SRGAP2: variants seen among roughly 807,000 people sequenced by gnomAD.
SRGAP2 encodes SLIT-ROBO Rho GTPase activating protein 2.
Under a neutral mutation model 57.2 loss-of-function variants are expected in SRGAP2, and 15 were observed. The ratio of observed to expected loss-of-function variants is 0.26; its 90% CI spans 0.18 to 0.40. The LOEUF (loss-of-function observed/expected upper bound fraction) is 0.40. Among genes scored for constraint, SRGAP2 ranks in the 10% least tolerant of loss-of-function variants. The probability of loss-of-function intolerance (pLI) is 1.00; values close to 1 mark genes in which losing one functional copy is unlikely to be tolerated. For synonymous variants in SRGAP2, 249 were observed against 248.0 expected (o/e 1.00, Z -0.04); for missense variants, 520 against 669.6 (o/e 0.78, Z 2.47).
At chr1:206,247,456 G>A (rs1426793287) in intron 2 of SRGAP2, among the ~76,000 whole-genome samples, 1 of 151,654 alleles carries the variant, frequency 6.6e-6, no homozygotes, top group African/African-American at 2.4e-5. Context: ...CCAGGGAGAG[G>A]GAGCCTCCAT....
rs146163304 is a variant in SRGAP2 at position 206,435,444 on chromosome 1, G to A, written c.1556-1521G>A. Among the ~76,000 whole-genome samples, 137 of 152,352 alleles carry A rather than the reference G, an allele frequency of 9.0e-4. No individual in the cohort carries two copies. The East Asian group carries it at 0.013, about 14-fold the overall frequency. On this transcript the variant is annotated intron_variant, in intron 14 of 22. Coordinates refer to ENST00000573034, the MANE Select transcript of SRGAP2 (RefSeq NM_015326.5). Reference sequence around the variant, plus strand: ...CCAGGGATCCTGAGAAAAGCTGAGCGGTCCTGATGCAATCAGAGATGCTAG... The same window carrying A: ...CCAGGGATCCTGAGAAAAGCTGAGCAGTCCTGATGCAATCAGAGATGCTAG...
chr1:206,260,712 C>T (rs1669497658), intron 2 of SRGAP2, among the ~76,000 whole-genome samples: 1 of 152,166 alleles, frequency 6.6e-6, no homozygotes, highest in South Asian at 2.1e-4. Context: ...GGATGGCTGC[C>T]TCCTACTTTA....
Position 206,418,219 on chromosome 1 carries a change from G to A in SRGAP2, c.1442-1154G>A, listed in dbSNP as rs1424416583. 4.1e-4 allele frequency among the ~76,000 whole-genome samples: 62 copies of A among 152,174 alleles called. 1 individual carries two copies. On this transcript the variant is annotated intron_variant, in intron 11 of 22. Transcript: ENST00000573034. The stretch of plus-strand genomic sequence containing the variant: ...TTCTTGCCGTAGAGGGATAATTGAT[G>A]TGTATGAATATTCCAGAATGGAAAT...
At chr1:206,255,283 G>C (rs1669115870) in intron 2 of SRGAP2, among the ~76,000 whole-genome samples, 3 of 151,742 alleles carry the variant, frequency 2.0e-5, no homozygotes, top group Admixed American at 6.6e-5. Flanking sequence ...GGATTAAACA[G>C]AATGGGGTGG....
chr1:206,425,507 A>G (rs1660712144), intron 13 of SRGAP2, among the ~76,000 whole-genome samples: 1 of 152,120 alleles, frequency 6.6e-6, no homozygotes, highest in East Asian at 1.9e-4. Flanking sequence ...TTTTATACCC[A>G]TTAACTAACC....
intron 10 of SRGAP2, among the ~76,000 whole-genome samples, chr1:206,410,151 C>A (rs1474516435): frequency 1.3e-5 from 2 of 152,204 alleles, no homozygotes; most frequent in African/African-American, 4.8e-5. Context: ...GGGTAGCTCA[C>A]AAAAGCTGGA....
intron 13 of SRGAP2, among the ~76,000 whole-genome samples, chr1:206,423,240 T>C (rs990641291): frequency 2.6e-5 from 4 of 152,178 alleles, no homozygotes; most frequent in African/African-American, 7.2e-5. Flanking sequence ...CTTCATATCT[T>C]CTTTGTTGGC....
intron 13 of SRGAP2, among the ~76,000 whole-genome samples, chr1:206,425,163 T>C (rs1553365867): frequency 6.6e-6 from 1 of 152,180 alleles, no homozygotes; most frequent in African/African-American, 2.4e-5. Flanking sequence ...TCATAATATA[T>C]AAACCTAGGA....
At chr1:206,460,611 TA>T (rs556938625) in intron 22 of SRGAP2, among the ~76,000 whole-genome samples, 2 of 152,086 alleles carry the variant, frequency 1.3e-5, no homozygotes, top group Non-Finnish European at 2.9e-5. Flanking sequence ...TACCACTTTT[TA>T]AAAAAGTGTT....
In SRGAP2 at chr1:206,444,173, C is replaced by T. The variant is rs1662548944; in HGVS notation, c.1875-1902C>T. 3.4e-5 allele frequency among the ~76,000 whole-genome samples: 5 copies of T among 149,170 alleles called. 1 individual carries two copies. The highest frequency in any genetic ancestry group is 3.3e-4 in the Admixed American group (5 of 15,036). On this transcript the variant is annotated intron_variant, in intron 17 of 22. Transcript: ENST00000573034. Reference sequence around the variant, plus strand: ...CCACTGTAACCCAGACAGGCGACTCCGTCTCAAAAAAAAAAAAAAGAACCA... The same window carrying T: ...CCACTGTAACCCAGACAGGCGACTCTGTCTCAAAAAAAAAAAAAAGAACCA...
intron 17 of SRGAP2, among the ~76,000 whole-genome samples, chr1:206,441,284 G>A (rs1339858787): frequency 3.9e-5 from 6 of 152,164 alleles, no homozygotes; most frequent in African/African-American, 1.2e-4. Flanking sequence ...ACCAGGAGTG[G>A]AGCTGCCAGT....
At chr1:206,448,377 C>T (rs1662953315) in intron 18 of SRGAP2, among the ~76,000 whole-genome samples, 1 of 152,118 alleles carries the variant, frequency 6.6e-6, no homozygotes, top group Non-Finnish European at 1.5e-5. Flanking sequence ...GTGGACTGCT[C>T]CTGAGACCTC....
rs1369887225 is a variant in SRGAP2, at chr1:206,458,886, C to T, written c.2771C>T (p.Thr924Ile). The change falls in exon 22 of 23, where the codon ACA becomes ATA. Residue 924 changes from threonine to isoleucine, a missense_variant. Around this residue, in one of 5 missense-constraint regions of SRGAP2, gnomAD observed 478 missense variants for 373.6 expected, o/e 1.28. Coordinates refer to ENST00000573034, the MANE Select transcript of SRGAP2 (RefSeq NM_015326.5). Reference sequence around the variant, plus strand: ...AGTCCACAGATCCGGAAGACTGCCACAGCGGGAAGGTCAAAAAGCTTCAAT... The same window carrying T: ...AGTCCACAGATCCGGAAGACTGCCATAGCGGGAAGGTCAAAAAGCTTCAAT... ...LDSPQIRKTA[T>I]AGRSKSFNNH... The T allele has an allele frequency of 1.0e-5, 8 of 780,334 alleles. No homozygotes were observed. Among genetic ancestry groups the T allele is most frequent in the Admixed American group, 1.7e-5 (1 of 58,954 alleles). The allele number at this position is 780,334 out of a possible 1,614,324, so 48.3% of individuals were successfully genotyped here. A position where few individuals can be genotyped will look rare whatever the true frequency, so the allele number is the denominator to read the frequency against.
intron 3 of SRGAP2, among the ~76,000 whole-genome samples, chr1:206,307,401 C>T (rs1188958035): frequency 6.6e-6 from 1 of 152,260 alleles, no homozygotes; most frequent in Non-Finnish European, 1.5e-5. Flanking sequence ...CTAGTGGATC[C>T]CGCACCGGGG....
At chr1:206,290,750 G>T (rs1671273585) in intron 2 of SRGAP2, among the ~76,000 whole-genome samples, 1 of 151,164 alleles carries the variant, frequency 6.6e-6, no homozygotes, top group Non-Finnish European at 1.5e-5. Context: ...TAAAAACTCT[G>T]TGAGGTAGAT....
At chr1:206,335,302 A>G (rs1471231340) in intron 3 of SRGAP2, among the ~76,000 whole-genome samples, 17 of 151,936 alleles carry the variant, frequency 1.1e-4, no homozygotes, top group Non-Finnish European at 1.6e-4. Context: ...ATTCCTCCCT[A>G]TAGTTCTGGG....
intron 4 of SRGAP2, among the ~76,000 whole-genome samples, chr1:206,360,045 A>G (rs1490197200): frequency 1.3e-5 from 2 of 151,616 alleles, no homozygotes; most frequent in Non-Finnish European, 2.9e-5. Context: ...TGACCTCGTG[A>G]TCCGCCCGCC....
At chr1:206,430,409 A>G (rs1398789158) in intron 14 of SRGAP2, among the ~76,000 whole-genome samples, 187 bp downstream of exon 14, 2 of 152,254 alleles carry the variant, frequency 1.3e-5, no homozygotes, top group African/African-American at 4.8e-5. Flanking sequence ...AAAGAAATGC[A>G]TCATATATTT....
chr1:206,410,375 C>T (rs1394273631), intron 10 of SRGAP2, among the ~76,000 whole-genome samples: 4 of 152,172 alleles, frequency 2.6e-5, no homozygotes, highest in African/African-American at 7.2e-5. Flanking sequence ...TTACCCGTTG[C>T]CTTTTTTATT....
Sources: gnomAD v4.1 joint callset for allele counts (sites outside exome capture counted in the v4.1 genomes callset) on GRCh38, gnomAD v4.1.1 for gene constraint, gnomAD v4.1.1 regional missense constraint, MANE v1.5 for transcripts, NCBI Gene and HGNC (gene_info 2026-07-23, HGNC 2026-07-21) for gene names.